Variants in ART3 observed in about 807,000 individuals in gnomAD.
ART3 encodes ecto-ADP-ribosyltransferase 3.
Under a neutral mutation model 48.5 loss-of-function variants are expected in ART3, and 49 were observed. The ratio of observed to expected loss-of-function variants is 1.01; its 90% CI spans 0.80 to 1.28. ART3 has a LOEUF of 1.28. ART3 is among the 50% of genes most tolerant of loss of function. The pLI is 0.00. For synonymous variants in ART3, 145 were observed against 157.2 expected (o/e 0.92, Z 0.58); for missense variants, 438 against 454.3 (o/e 0.96, Z 0.33).
intron 1 of ART3, among the ~76,000 whole-genome samples, chr4:76,030,982 T>G (rs1347657376): frequency 6.6e-6 from 1 of 152,206 alleles, no homozygotes; most frequent in Non-Finnish European, 1.5e-5. Context: ...CTTTTGGGTA[T>G]ATACCTAGGA....
chr4:76,023,534 A>G (rs569490353), intron 1 of ART3: 64 of 1,043,424 alleles, frequency 6.1e-5, no homozygotes, highest in Non-Finnish European at 9.3e-5. Flanking sequence ...TTTATCTGCA[A>G]AGCCATTTTC....
intron 1 of ART3, chr4:76,023,372 T>A: frequency 6.2e-7 from 1 of 1,611,942 alleles, no homozygotes; most frequent in Non-Finnish European, 8.5e-7. Context: ...GTTCCTTACC[T>A]TGAATGCCAC....
At chr4:76,105,168 C>T (rs77723801) in intron 10 of ART3, among the ~76,000 whole-genome samples, 4,646 of 152,236 alleles carry the variant, frequency 0.031, 198 homozygotes, top group African/African-American at 0.094. Flanking sequence ...ACACCTTGTG[C>T]GTCTACATCT....
In ART3 at chr4:76,082,462, G is replaced by A. The variant is rs1193983397; in HGVS notation, c.708G>A (p.Glu236=). Residue 236 remains glutamate, a synonymous_variant, in exon 3 of 12, where the codon GAG becomes GAA. Transcript: ENST00000355810. ...ATGAGGTTTTTCAAGTGTCACAGGA[G>A]GGGGCTGGCAATAACCTTATCCTTC... The part of the protein sequence containing the change: ...PLNEVFQVSQ[E]GAGNNLILQS... The A allele has an allele frequency of 4.3e-6, 7 of 1,613,178 alleles. No individual in the cohort carries two copies. The highest frequency in any genetic ancestry group is 2.2e-5 in the East Asian group (1 of 44,882).
At chr4:76,045,140 G>T (rs970276880) in intron 1 of ART3, among the ~76,000 whole-genome samples, 1 of 151,972 alleles carries the variant, frequency 6.6e-6, no homozygotes, top group South Asian at 2.1e-4. Flanking sequence ...CCTGCCCTTC[G>T]TATCCCATTC....
At chr4:76,093,353 C>A (rs1725329341) in intron 3 of ART3, among the ~76,000 whole-genome samples, 1 of 152,070 alleles carries the variant, frequency 6.6e-6, no homozygotes, top group African/African-American at 2.4e-5. Context: ...TGCTTGAGCC[C>A]AAGAGTTGAT....
rs533716267 is a variant in ART3 at position 76,085,284 on chromosome 4, T to C, written c.781+2749T>C. 3.3e-5 allele frequency among the ~76,000 whole-genome samples: 5 copies of C among 152,274 alleles called. No homozygotes were observed. The East Asian group carries it at 9.6e-4, about 29-fold the overall frequency. On this transcript the variant is annotated intron_variant, in intron 3 of 11. Transcript: ENST00000355810. ...CAAAGTGGGATAGACTTTTAGATCT[T>C]GACTAAATGTAGCCAAGGTACTATG...
chr4:76,103,566 G>A (rs1340605840), intron 8 of ART3, among the ~76,000 whole-genome samples: 2 of 152,096 alleles, frequency 1.3e-5, no homozygotes, highest in South Asian at 2.1e-4. Context: ...AAAGTTAGGA[G>A]GGATTAAGTA....
At position 76,081,804 on chromosome 4, in the gene ART3, A is replaced by G. The variant is rs1179495674; in HGVS notation, c.70-20A>G. On this transcript the variant is annotated intron_variant, in intron 2 of 11. Coordinates refer to ENST00000355810, the MANE Select transcript of ART3 (RefSeq NM_001130016.3). ...CTGAATTTCTTATTTCAAGAGTATTAATTTCTTTTTCCTTTGAAGGTGAAG... is the reference window on the plus strand; with the variant it reads ...CTGAATTTCTTATTTCAAGAGTATTGATTTCTTTTTCCTTTGAAGGTGAAG... The G allele has an allele frequency of 6.3e-7, 1 of 1,584,226 alleles. No homozygotes were observed. The highest frequency in any genetic ancestry group is 1.4e-5 in the African/African-American group (1 of 73,792).
chr4:76,041,847 T>C (rs1372663041), intron 1 of ART3, among the ~76,000 whole-genome samples: 1 of 152,220 alleles, frequency 6.6e-6, no homozygotes, highest in African/African-American at 2.4e-5. Context: ...GGCAGATAGA[T>C]AACTGTCAAA....
intron 1 of ART3, among the ~76,000 whole-genome samples, chr4:76,013,499 C>T (rs1223227010): frequency 1.3e-5 from 2 of 152,164 alleles, no homozygotes; most frequent in Non-Finnish European, 2.9e-5. Context: ...TCTTATTTTA[C>T]TTGAACATTT....
chr4:76,069,051 T>C (rs1167909679), intron 1 of ART3, among the ~76,000 whole-genome samples: 1 of 152,228 alleles, frequency 6.6e-6, no homozygotes, highest in Non-Finnish European at 1.5e-5. Context: ...GATTTCATAG[T>C]GTTATGCTAA....
chr4:76,034,742 T>C, intron 1 of ART3: 1 of 1,336,996 alleles, frequency 7.5e-7, no homozygotes. Flanking sequence ...GTTAAACTTG[T>C]TCTAGGTTTT....
At chr4:76,015,825 T>A (rs933055706) in intron 1 of ART3, among the ~76,000 whole-genome samples, 1 of 152,190 alleles carries the variant, frequency 6.6e-6, no homozygotes, top group African/African-American at 2.4e-5. Flanking sequence ...GATGGGTTTT[T>A]GCCATGTTGG....
intron 5 of ART3, 198 bp downstream of exon 5, chr4:76,099,185 C>T (rs575798165): frequency 1.9e-6 from 1 of 524,716 alleles, no homozygotes; most frequent in African/African-American, 1.9e-5. Flanking sequence ...ACCTGTAGTC[C>T]CAGCTACTTG....
intron 1 of ART3, chr4:76,022,499 G>T: frequency 6.3e-7 from 1 of 1,575,310 alleles, no homozygotes; most frequent in Non-Finnish European, 8.7e-7. Context: ...ACTGTGTTGG[G>T]TCAATAAAAC....
At chr4:76,040,638 T>C (rs1734892059) in intron 1 of ART3, among the ~76,000 whole-genome samples, 1 of 150,440 alleles carries the variant, frequency 6.6e-6, no homozygotes, top group South Asian at 2.1e-4. Flanking sequence ...TACTGCATAA[T>C]CTTCCTCACG....
At chr4:76,054,352 A>G (rs868143394) in intron 1 of ART3, among the ~76,000 whole-genome samples, 23 of 152,318 alleles carry the variant, frequency 1.5e-4, no homozygotes, top group African/African-American at 4.3e-4. Flanking sequence ...GGAGTATTTC[A>G]GGACACATCA....
chr4:76,093,726 G>A lies in ART3; in HGVS notation c.782-3918G>A, dbSNP rs545000467. ...CTGCATACCACAGTATGTCAAGTTT[G>A]CTAATCTTTTTTCTTCAGTGTCTAG... On this transcript the variant is annotated intron_variant, in intron 3 of 11. Transcript: ENST00000355810. Among the ~76,000 whole-genome samples, 50 of 152,294 alleles carry A rather than the reference G, an allele frequency of 3.3e-4. No individual in the cohort carries two copies. In the South Asian group the frequency reaches 0.01, roughly 31 times the overall value.
Sources: gnomAD v4.1 joint callset for allele counts (sites outside exome capture counted in the v4.1 genomes callset) on GRCh38, gnomAD v4.1.1 for gene constraint, MANE v1.5 for transcripts, NCBI Gene and HGNC (gene_info 2026-07-23, HGNC 2026-07-21) for gene names.